FAT3: variants seen among roughly 807,000 people sequenced by gnomAD.
FAT3 encodes protocadherin Fat 3.
Under a neutral mutation model 310.2 loss-of-function variants are expected in FAT3, and 95 were observed. That is an observed-to-expected ratio of 0.31 (90% CI 0.26 to 0.36). The LOEUF (loss-of-function observed/expected upper bound fraction) is 0.36, where lower values mean the gene tolerates loss of function less well. Ranked by LOEUF, FAT3 falls within the 10% of genes least tolerant of loss-of-function variation. FAT3 has a pLI of 1.00. For synonymous variants in FAT3, 2,314 were observed against 2,192.9 expected, an observed-to-expected ratio of 1.06 and a Z score of -1.54; for missense variants, 5,408 against 5,715.6, an observed-to-expected ratio of 0.95 and a Z score of 1.74.
chr11:92,424,911 C>T (rs1950598777), intron 2 of FAT3, among the ~76,000 whole-genome samples: 1 of 152,044 alleles, frequency 6.6e-6, no homozygotes, highest in Admixed American at 6.6e-5. Context: ...TTTCCTTCCC[C>T]TCTCCTTTCT....
chr11:92,838,064 G>A (rs111639300), intron 17 of FAT3, among the ~76,000 whole-genome samples: 1,802 of 152,258 alleles, frequency 0.012, 45 homozygotes, highest in African/African-American at 0.041. Context: ...CTGTGAAGAG[G>A]GATGGTGGAT....
At chr11:92,761,404 C>T (rs548538623) in intron 4 of FAT3, among the ~76,000 whole-genome samples, 13 of 152,304 alleles carry the variant, frequency 8.5e-5, no homozygotes, top group Non-Finnish European at 1.6e-4. Context: ...TAGGTTTTAA[C>T]ATATGAATTT....
intron 3 of FAT3, among the ~76,000 whole-genome samples, chr11:92,547,206 AAG>A (rs1390420747): frequency 3.3e-5 from 5 of 152,170 alleles, no homozygotes; most frequent in Non-Finnish European, 7.4e-5. Context: ...CCCTGCCTAA[AAG>A]GGGGCAGCCG....
chr11:92,870,104 G>A (rs1418738758), intron 22 of FAT3, among the ~76,000 whole-genome samples: 1 of 152,190 alleles, frequency 6.6e-6, no homozygotes, highest in Non-Finnish European at 1.5e-5. Flanking sequence ...GAAGAATTCT[G>A]GAGTATTGGT....
At chr11:92,238,099 CT>C (rs1055878258) in intron 1 of FAT3, among the ~76,000 whole-genome samples, 6 of 152,034 alleles carry the variant, frequency 3.9e-5, no homozygotes, top group African/African-American at 1.4e-4. Flanking sequence ...ATCTAAAGCT[CT>C]TGTTGATAAT....
intron 2 of FAT3, among the ~76,000 whole-genome samples, chr11:92,377,483 G>A (rs1000162860): frequency 2.0e-5 from 3 of 152,174 alleles, no homozygotes; most frequent in Admixed American, 1.3e-4. Flanking sequence ...TTTTCTAGCT[G>A]ATATTCCTAC....
intron 3 of FAT3, among the ~76,000 whole-genome samples, chr11:92,672,726 A>C (rs949223786): frequency 6.6e-5 from 10 of 152,182 alleles, no homozygotes; most frequent in Admixed American, 1.3e-4. Context: ...GGGACATAAC[A>C]ATTATCTTTG....
chr11:92,440,086 G>A (rs1261152074), intron 2 of FAT3, among the ~76,000 whole-genome samples: 1 of 152,118 alleles, frequency 6.6e-6, no homozygotes, highest in East Asian at 1.9e-4. Context: ...TAGTTTTGAG[G>A]AGGTGGATCT....
intron 3 of FAT3, among the ~76,000 whole-genome samples, chr11:92,632,993 C>T (rs1941612444): frequency 6.6e-6 from 1 of 152,178 alleles, no homozygotes; most frequent in Non-Finnish European, 1.5e-5. Flanking sequence ...TATTTTGTAC[C>T]TGCTACCTTT....
chr11:92,657,912 T>C (rs1942638722), intron 3 of FAT3, among the ~76,000 whole-genome samples: 1 of 152,186 alleles, frequency 6.6e-6, no homozygotes, highest in Non-Finnish European at 1.5e-5. Context: ...TTCTGCATTA[T>C]ATAGACCAGC....
chr11:92,479,327 T>G (rs1033800993), intron 2 of FAT3, among the ~76,000 whole-genome samples: 2 of 152,046 alleles, frequency 1.3e-5, no homozygotes, highest in African/African-American at 4.8e-5. Context: ...ATTTTTTAAT[T>G]GACTGAAATA....
chr11:92,315,508 TATATAGAGAGAGAGAGAGAGAGAG>T (rs1947428392), intron 1 of FAT3, among the ~76,000 whole-genome samples: 1 of 83,352 alleles, frequency 1.2e-5, no homozygotes, highest in Non-Finnish European at 2.3e-5. Flanking sequence ...TATATATATA[TATATAGAGAGAGAGAGAGAGAGAG>T]AGAGAGAGAG....
At chr11:92,267,108 T>C (rs548901765) in intron 1 of FAT3, among the ~76,000 whole-genome samples, 1 of 152,206 alleles carries the variant, frequency 6.6e-6, no homozygotes, top group South Asian at 2.1e-4. Flanking sequence ...CTGCCGACTT[T>C]TGCACCAACT....
At chr11:92,303,014 C>G (rs1191601358) in intron 1 of FAT3, among the ~76,000 whole-genome samples, 3 of 151,998 alleles carry the variant, frequency 2.0e-5, no homozygotes, top group Non-Finnish European at 4.4e-5. Flanking sequence ...GGGGCCTGCT[C>G]CGACCTCATT....
chr11:92,551,444 G>GTGTGTGTGTT (rs1954818455), intron 3 of FAT3, among the ~76,000 whole-genome samples: 2 of 151,142 alleles, frequency 1.3e-5, no homozygotes, highest in African/African-American at 2.4e-5. Context: ...GTGTGTGTGT[G>GTGTGTGTGTT]TTTTCTCATC....
chr11:92,473,781 A>G (rs1951972771), intron 2 of FAT3, among the ~76,000 whole-genome samples: 1 of 152,202 alleles, frequency 6.6e-6, no homozygotes, highest in Admixed American at 6.5e-5. Flanking sequence ...AGGGACTAGC[A>G]AGAAACTCAG....
intron 2 of FAT3, among the ~76,000 whole-genome samples, chr11:92,406,163 A>G (rs1950133095): frequency 6.6e-6 from 1 of 151,960 alleles, no homozygotes; most frequent in Non-Finnish European, 1.5e-5. Flanking sequence ...TGATTGATAC[A>G]GTGTTCCTTA....
At chr11:92,241,830 A>G (rs1864680238) in intron 1 of FAT3, among the ~76,000 whole-genome samples, 1 of 152,024 alleles carries the variant, frequency 6.6e-6, no homozygotes, top group Non-Finnish European at 1.5e-5. Flanking sequence ...AGTTTGAGAA[A>G]CTTGCCATGT....
Position 92,609,414 on chromosome 11 carries a change from A to G in FAT3, c.3607+84466A>G, listed in dbSNP as rs188828052. The stretch of plus-strand genomic sequence containing the variant: ...CTGGTGTCTTTGACAGTCTGTGTAT[A>G]TTTGATGTAATGCACATTAGTTTGC... On this transcript the variant is annotated intron_variant, in intron 3 of 27. Transcript: ENST00000525166. 1.8e-3 allele frequency among the ~76,000 whole-genome samples: 272 copies of G among 152,316 alleles called. 2 individuals carry two copies. The Middle Eastern group carries it at 0.02, about 11-fold the overall frequency.
Sources: allele counts gnomAD v4.1 joint callset (sites outside exome capture counted in the v4.1 genomes callset), GRCh38; gene constraint gnomAD v4.1.1; transcripts MANE v1.5; gene names NCBI Gene and HGNC (gene_info 2026-07-23, HGNC 2026-07-21).